The following IGFL2 variants were observed in gnomAD, a reference collection of about 807,000 sequenced individuals.
IGFL2 encodes the protein IGF like family member 2.
A neutral mutation model predicts 13.9 loss-of-function variants in IGFL2; 7 were observed. The observed-to-expected ratio is 0.51, with a 90% confidence interval of 0.29 to 0.95. The LOEUF is 0.95. IGFL2 is among the 40% of genes least tolerant of loss of function. IGFL2 has a pLI of 0.08. For synonymous variants in IGFL2, 55 were observed against 55.8 expected (o/e 0.99, Z 0.07); for missense variants, 138 against 147.8 (o/e 0.93, Z 0.34).
At chr19:46,145,596 ATATATGTGTG>A (rs1476157511), upstream of IGFL2, among the ~76,000 whole-genome samples, 5 of 58,528 alleles carry the variant, frequency 8.5e-5, no homozygotes, top group Non-Finnish European at 1.8e-4. Context: ...ACACACTCAT[ATATATGTGTG>A]TGTGTGTGTG....
chr19:46,117,774 C>T, the IGFL2 span, among the ~76,000 whole-genome samples: 2 of 152,136 alleles, frequency 1.3e-5, no homozygotes, highest in Non-Finnish European at 1.5e-5. Context: ...CCACCGCGCC[C>T]GGACTACCAT....
the IGFL2 span, among the ~76,000 whole-genome samples, chr19:46,187,180 T>C: frequency 6.6e-6 from 1 of 150,980 alleles, no homozygotes; most frequent in Non-Finnish European, 1.5e-5. Flanking sequence ...AACCTGAGGT[T>C]GTGCTGCTGG....
chr19:46,103,817 ATT>A, the IGFL2 span, among the ~76,000 whole-genome samples: 2 of 152,188 alleles, frequency 1.3e-5, no homozygotes, highest in East Asian at 3.9e-4. Flanking sequence ...TACTATTATC[ATT>A]TAGGAATGCG....
the IGFL2 span, among the ~76,000 whole-genome samples, chr19:46,079,785 C>T: frequency 6.6e-6 from 1 of 152,118 alleles, no homozygotes; most frequent in South Asian, 2.1e-4. Context: ...GCTCAGATGA[C>T]AGATTTCTGC....
At chr19:46,104,907 A>T in the IGFL2 span, among the ~76,000 whole-genome samples, 6 of 152,174 alleles carry the variant, frequency 3.9e-5, no homozygotes, top group South Asian at 2.1e-4. Context: ...TCCAAGAACC[A>T]TTTGCCTTGT....
chr19:46,122,273 G>A, the IGFL2 span, among the ~76,000 whole-genome samples: 1 of 150,932 alleles, frequency 6.6e-6, no homozygotes, highest in Non-Finnish European at 1.5e-5. Flanking sequence ...TTTAGCCAGG[G>A]TAAGGTTTTA....
At chr19:46,094,906 T>C in the IGFL2 span, among the ~76,000 whole-genome samples, 2,018 of 152,286 alleles carry the variant, frequency 0.013, 31 homozygotes, top group Middle Eastern at 0.027. Flanking sequence ...ATATGTGCCA[T>C]GTTTTCTTTG....
At chr19:46,132,652 GA>G in the IGFL2 span, among the ~76,000 whole-genome samples, 1 of 149,420 alleles carries the variant, frequency 6.7e-6, no homozygotes, top group Non-Finnish European at 1.5e-5. Flanking sequence ...AAGAGGGAGG[GA>G]AAACGATAGA....
At chr19:46,162,464 T>C (rs1974210745), downstream of IGFL2, among the ~76,000 whole-genome samples, 1 of 152,260 alleles carries the variant, frequency 6.6e-6, no homozygotes, top group South Asian at 2.1e-4. Flanking sequence ...CATAATCCCA[T>C]ACTTCTTGGA....
chr19:46,189,727 T>G, the IGFL2 span: 1 of 152,458 alleles, frequency 6.6e-6, no homozygotes, highest in East Asian at 1.9e-4. Flanking sequence ...TGGTTTCTCT[T>G]AAGTTATAAT....
upstream of IGFL2, among the ~76,000 whole-genome samples, chr19:46,142,182 A>G (rs1332370919): frequency 2.0e-5 from 3 of 152,234 alleles, no homozygotes; most frequent in Admixed American, 6.5e-5. Flanking sequence ...ATGTGTGTAT[A>G]AAGTTCATGT....
At chr19:46,214,886 CGTG>C in the IGFL2 span, 1 of 133,004 alleles carries the variant, frequency 7.5e-6, no homozygotes, top group Non-Finnish European at 1.7e-5. Context: ...CAAACACACG[CGTG>C]CGCGCACACA....
upstream of IGFL2, among the ~76,000 whole-genome samples, chr19:46,146,787 C>T (rs55983154): frequency 7.0e-3 from 1,058 of 152,108 alleles, 8 homozygotes; most frequent in Non-Finnish European, 0.012. Context: ...GTGTTTCATA[C>T]GCTACAACCT....
chr19:46,210,927 G>A, the IGFL2 span, among the ~76,000 whole-genome samples: 6 of 152,228 alleles, frequency 3.9e-5, no homozygotes, highest in Non-Finnish European at 8.8e-5. Context: ...CTGGTCTGCA[G>A]AGGCTGGAAG....
the IGFL2 span, among the ~76,000 whole-genome samples, chr19:46,086,471 G>A: frequency 3.3e-5 from 5 of 151,898 alleles, no homozygotes; most frequent in Admixed American, 1.3e-4. Flanking sequence ...TTACAGGTGC[G>A]CACCACCATG....
At chr19:46,181,608 C>T in the IGFL2 span, among the ~76,000 whole-genome samples, 2 of 152,170 alleles carry the variant, frequency 1.3e-5, no homozygotes, top group Non-Finnish European at 2.9e-5. Context: ...ACACTCCCTC[C>T]CAGGAACTGA....
chr19:46,083,492 T>C, the IGFL2 span, among the ~76,000 whole-genome samples: 1 of 152,232 alleles, frequency 6.6e-6, no homozygotes, highest in Non-Finnish European at 1.5e-5. Context: ...TCAGACACTA[T>C]GTTGTAAACA....
At chr19:46,201,491 G>A in the IGFL2 span, among the ~76,000 whole-genome samples, 4 of 152,190 alleles carry the variant, frequency 2.6e-5, no homozygotes, top group Admixed American at 6.5e-5. Flanking sequence ...TCCAGGCTGG[G>A]TGAGGCAACC....
At chr19:46,101,568 G>A in the IGFL2 span, among the ~76,000 whole-genome samples, 1 of 152,238 alleles carries the variant, frequency 6.6e-6, no homozygotes, top group African/African-American at 2.4e-5. Flanking sequence ...CAATCTCCCT[G>A]GCACCAGCAG....
Sources: gnomAD v4.1 joint callset for allele counts (sites outside exome capture counted in the v4.1 genomes callset) on GRCh38, gnomAD v4.1.1 for gene constraint, MANE v1.5 for transcripts, NCBI Gene and HGNC (gene_info 2026-07-23, HGNC 2026-07-21) for gene names.